KCNN2: variants seen among roughly 807,000 people sequenced by gnomAD.
KCNN2 encodes the protein potassium calcium-activated channel subfamily N member 2, also known as small conductance calcium-activated potassium channel protein 2.
A neutral mutation model predicts 55.5 loss-of-function variants in KCNN2; 24 were observed. That is an observed-to-expected ratio of 0.43 (90% CI 0.31 to 0.61). KCNN2 has a LOEUF of 0.61. Ranked by LOEUF, KCNN2 falls within the 20% of genes least tolerant of loss-of-function variation. The pLI is 0.08. For missense variants in KCNN2, 754 were observed against 853.6 expected, an observed-to-expected ratio of 0.88 and a Z score of 1.45; for synonymous variants, 431 against 336.1, an observed-to-expected ratio of 1.28 and a Z score of -3.09.
chr5:114,460,232 T>G (rs1248937256), intron 3 of KCNN2, among the ~76,000 whole-genome samples: 2 of 152,050 alleles, frequency 1.3e-5, no homozygotes, highest in Admixed American at 6.6e-5. Context: ...AAGGTTGTTT[T>G]TTTGTTTGTT....
intron 1 of KCNN2, among the ~76,000 whole-genome samples, chr5:114,210,537 A>C (rs1320777365): frequency 5.3e-5 from 8 of 152,224 alleles, no homozygotes; most frequent in Admixed American, 5.2e-4. Flanking sequence ...CAACCTTGAC[A>C]TAAGTAATAA....
At chr5:114,487,663 A>C (rs1348557088) in intron 6 of KCNN2, among the ~76,000 whole-genome samples, 1 of 152,142 alleles carries the variant, frequency 6.6e-6, no homozygotes, top group African/African-American at 2.4e-5. Flanking sequence ...TTTTAACTTT[A>C]TCCAGACCAC....
At chr5:114,331,275 C>T (rs909050540) in intron 2 of KCNN2, among the ~76,000 whole-genome samples, 20 of 152,152 alleles carry the variant, frequency 1.3e-4, no homozygotes, top group East Asian at 1.2e-3. Context: ...AGTGTGGAGA[C>T]GTGAGAAGAG....
At chr5:114,307,912 A>T (rs1428283236) in intron 2 of KCNN2, among the ~76,000 whole-genome samples, 1 of 151,908 alleles carries the variant, frequency 6.6e-6, no homozygotes. Context: ...TATACTTCCT[A>T]TTCAGCTTGA....
chr5:114,409,688 T>C (rs1194348893), intron 3 of KCNN2, among the ~76,000 whole-genome samples: 1 of 152,188 alleles, frequency 6.6e-6, no homozygotes, highest in East Asian at 1.9e-4. Flanking sequence ...TAGAGAAGTT[T>C]GCATTAAAAA....
At chr5:114,172,971 C>A (rs1753067505) in intron 1 of KCNN2, among the ~76,000 whole-genome samples, 3 of 151,836 alleles carry the variant, frequency 2.0e-5, no homozygotes, top group Admixed American at 2.0e-4. Context: ...GCTTTGGTTG[C>A]CAGTGCTTGT....
chr5:114,406,345 T>C (rs527246782), intron 3 of KCNN2, among the ~76,000 whole-genome samples: 1,584 of 151,782 alleles, frequency 0.01, 12 homozygotes, highest in Non-Finnish European at 0.017. Flanking sequence ...TTTTTTTTTT[T>C]CCCCGTATAT....
chr5:114,184,741 A>G (rs1294706226), intron 1 of KCNN2, among the ~76,000 whole-genome samples: 1 of 152,208 alleles, frequency 6.6e-6, no homozygotes, highest in Non-Finnish European at 1.5e-5. Context: ...TCCTGCCACA[A>G]TGTAGGCACT....
chr5:114,432,936 C>T (rs1032838024), intron 3 of KCNN2, among the ~76,000 whole-genome samples: 4 of 152,210 alleles, frequency 2.6e-5, no homozygotes, highest in African/African-American at 7.2e-5. Context: ...GGCTGGGGAC[C>T]TGCAGCCCGC....
At chr5:114,287,381 A>T (rs1012673617) in intron 2 of KCNN2, among the ~76,000 whole-genome samples, 3 of 152,212 alleles carry the variant, frequency 2.0e-5, no homozygotes, top group Non-Finnish European at 4.4e-5. Context: ...GGGTAAAGAA[A>T]ATGTGGCACA....
At chr5:114,451,803 A>C (rs1402210083) in intron 3 of KCNN2, among the ~76,000 whole-genome samples, 1 of 151,900 alleles carries the variant, frequency 6.6e-6, no homozygotes, top group African/African-American at 2.4e-5. Context: ...AGGCTGAGGC[A>C]GCAGAATGGC....
At chr5:114,236,273 C>T (rs761116420) in intron 2 of KCNN2, among the ~76,000 whole-genome samples, 101 of 152,204 alleles carry the variant, frequency 6.6e-4, no homozygotes, top group South Asian at 2.1e-3. Context: ...CCAAACCAAA[C>T]GTAGCTAAGT....
intron 2 of KCNN2, among the ~76,000 whole-genome samples, chr5:114,275,649 A>G (rs929445796): frequency 2.6e-5 from 4 of 152,034 alleles, no homozygotes; most frequent in African/African-American, 9.7e-5. Flanking sequence ...CTCTGATGGT[A>G]GTTTGTATTT....
intron 2 of KCNN2, among the ~76,000 whole-genome samples, chr5:114,338,859 T>C (rs1304992447): frequency 6.6e-6 from 1 of 152,176 alleles, no homozygotes; most frequent in Admixed American, 6.5e-5. Context: ...GAGGTAGATA[T>C]CTGTTGATTT....
At chr5:114,275,464 T>C (rs1447844244) in intron 2 of KCNN2, among the ~76,000 whole-genome samples, 1 of 152,130 alleles carries the variant, frequency 6.6e-6, no homozygotes, top group Non-Finnish European at 1.5e-5. Flanking sequence ...TGTCTGGTCC[T>C]GGACTCTTTT....
intron 1 of KCNN2, among the ~76,000 whole-genome samples, chr5:114,208,583 G>T (rs562616234): frequency 6.6e-6 from 1 of 152,068 alleles, no homozygotes; most frequent in Admixed American, 6.5e-5. Context: ...GCTTTTATAC[G>T]AAGCTGACAC....
At chr5:114,493,882 C>T (rs1381835048) in intron 7 of KCNN2, among the ~76,000 whole-genome samples, 2 of 151,998 alleles carry the variant, frequency 1.3e-5, no homozygotes, top group African/African-American at 4.8e-5. Flanking sequence ...TTTAAGCAAA[C>T]TCAAAAGAAT....
chr5:114,274,104 C>G (rs901611258), intron 2 of KCNN2, among the ~76,000 whole-genome samples: 4 of 152,226 alleles, frequency 2.6e-5, no homozygotes, highest in African/African-American at 9.6e-5. Context: ...GGAATCATTC[C>G]CCCATTGCTT....
chr5:114,145,837 G>A (rs1338933814), intron 1 of KCNN2, among the ~76,000 whole-genome samples: 6 of 152,136 alleles, frequency 3.9e-5, no homozygotes, highest in Admixed American at 2.6e-4. Context: ...AGGGTGAGCC[G>A]GACCTGGACC....
Sources: allele counts gnomAD v4.1 joint callset (sites outside exome capture counted in the v4.1 genomes callset), GRCh38; gene constraint gnomAD v4.1.1; transcripts MANE v1.5; gene names NCBI Gene and HGNC (gene_info 2026-07-23, HGNC 2026-07-21).